SLC4A10: variants seen among roughly 807,000 people sequenced by gnomAD.
SLC4A10 encodes sodium-driven chloride bicarbonate exchanger.
SLC4A10 carries 42 observed loss-of-function variants against 137.7 expected under a neutral mutation model. The ratio of observed to expected loss-of-function variants is 0.30; its 90% CI spans 0.24 to 0.39. The LOEUF (loss-of-function observed/expected upper bound fraction) is 0.39. Among genes scored for constraint, SLC4A10 ranks in the 10% least tolerant of loss-of-function variants. The probability of loss-of-function intolerance (pLI) is 1.00; values close to 1 mark genes in which losing one functional copy is unlikely to be tolerated. For missense variants in SLC4A10, 925 were observed against 1,355.0 expected (o/e 0.68, Z 4.98); for synonymous variants, 474 against 464.1 (o/e 1.02, Z -0.27).
chr2:161,711,443 T>A (rs1325104810), intron 1 of SLC4A10, among the ~76,000 whole-genome samples: 1 of 151,846 alleles, frequency 6.6e-6, no homozygotes, highest in Non-Finnish European at 1.5e-5. Flanking sequence ...GAATAGGATT[T>A]ACCTCAGGTT....
intron 1 of SLC4A10, among the ~76,000 whole-genome samples, chr2:161,651,811 G>C (rs2036839051): frequency 8.3e-6 from 1 of 120,004 alleles, no homozygotes; most frequent in South Asian, 3.1e-4. Flanking sequence ...TCCCTGCTCT[G>C]CGCCTAGCTT....
intron 1 of SLC4A10, among the ~76,000 whole-genome samples, chr2:161,637,202 A>AAGAG (rs1232132481): frequency 2.7e-5 from 4 of 147,230 alleles, no homozygotes; most frequent in Non-Finnish European, 6.0e-5. Flanking sequence ...GAGAGAGAGA[A>AAGAG]AGAGAGAGAG....
intron 6 of SLC4A10, among the ~76,000 whole-genome samples, chr2:161,866,700 T>A (rs1370423374): frequency 6.6e-6 from 1 of 151,922 alleles, no homozygotes; most frequent in African/African-American, 2.4e-5. Context: ...AAATAATTAT[T>A]TGAATTAGGA....
chr2:161,942,675 T>G, intron 15 of SLC4A10, 117 bp from the exon 16 acceptor site: 2 of 747,424 alleles, frequency 2.7e-6, no homozygotes, highest in East Asian at 5.4e-5. Flanking sequence ...ACCTAACTAC[T>G]TGTCTGTCAA....
rs1684208042 is a variant in SLC4A10, at chr2:161,905,738, T to G, written c.1848T>G (p.Leu616=). The G allele has an allele frequency of 6.2e-7, 1 of 1,613,896 alleles. No individual in the cohort carries two copies. The highest frequency in any genetic ancestry group is 1.3e-5 in the African/African-American group (1 of 74,932). Residue 616 remains leucine, a synonymous_variant, in exon 15 of 27, where the codon CTT becomes CTG. Coordinates refer to ENST00000446997, the MANE Select transcript of SLC4A10 (RefSeq NM_001178015.2). ...IILVATDASS[L]VCYITRFTEE... ...TTGTGGCCACAGATGCTAGTTCCCT[T>G]GTCTGCTACATCACTCGGTTTACTG... is the stretch of plus-strand genomic sequence containing the variant.
At chr2:161,692,476 T>C (rs2042096533) in intron 1 of SLC4A10, among the ~76,000 whole-genome samples, 1 of 152,096 alleles carries the variant, frequency 6.6e-6, no homozygotes, top group Non-Finnish European at 1.5e-5. Flanking sequence ...TTAGTGTTCC[T>C]TGAGAGAATT....
At chr2:161,698,431 T>G (rs1470966981) in intron 1 of SLC4A10, among the ~76,000 whole-genome samples, 1 of 152,222 alleles carries the variant, frequency 6.6e-6, no homozygotes, top group African/African-American at 2.4e-5. Context: ...CAGCATGATA[T>G]TGGCTGTGGG....
chr2:161,891,749 T>C (rs1435767226), intron 10 of SLC4A10, among the ~76,000 whole-genome samples: 1 of 152,038 alleles, frequency 6.6e-6, no homozygotes. Flanking sequence ...ACATGCTCCT[T>C]TAGCTTGGAG....
intron 1 of SLC4A10, among the ~76,000 whole-genome samples, chr2:161,640,478 G>T (rs944681486): frequency 6.6e-6 from 1 of 152,096 alleles, no homozygotes; most frequent in African/African-American, 2.4e-5. Flanking sequence ...AGCCTCAATG[G>T]TATTTAACAA....
chr2:161,894,756 T>C lies in SLC4A10; in HGVS notation c.1272T>C (p.Val424=). 1 of 1,444,388 alleles carries C rather than the reference T, an allele frequency of 6.9e-7. No individual in the cohort carries two copies. Among genetic ancestry groups the C allele is most frequent in the Non-Finnish European group, 9.2e-7 (1 of 1,088,216 alleles). The allele number at this position is 1,444,388 out of a possible 1,614,324, so 89.5% of individuals were successfully genotyped here. ...VSGIDEFLDQ[V]TVLPPGEWDP... is the part of the protein sequence containing the mutation. ...GAATTGATGAGTTTCTGGATCAGGT[T>C]ACTGTTCTCCCTCCTGGAGAATGGG... is the stretch of plus-strand genomic sequence containing the variant. Residue 424 remains valine (V), a synonymous_variant, in exon 11 of 27, where the codon GTT becomes GTC. Coordinates refer to ENST00000446997, the MANE Select transcript of SLC4A10 (RefSeq NM_001178015.2).
chr2:161,906,025 C>T (rs995872005), intron 15 of SLC4A10, 138 bp downstream of exon 15: 35 of 1,129,836 alleles, frequency 3.1e-5, no homozygotes, highest in Non-Finnish European at 3.4e-5. Flanking sequence ...CTCTCAGAGT[C>T]GAACAGGATT....
chr2:161,949,023 C>A, intron 17 of SLC4A10, 125 bp from the exon 18 acceptor site: 1 of 576,888 alleles, frequency 1.7e-6, no homozygotes, highest in Non-Finnish European at 3.0e-6. Context: ...TTATAGTATG[C>A]ATAAAATATA....
At chr2:161,636,900 A>G (rs900745685) in intron 1 of SLC4A10, among the ~76,000 whole-genome samples, 6 of 150,244 alleles carry the variant, frequency 4.0e-5, no homozygotes, top group African/African-American at 1.5e-4. Flanking sequence ...TTTTATTTGT[A>G]GAGACAGGGT....
At chr2:161,831,424 G>A (rs1559348352) in intron 3 of SLC4A10, among the ~76,000 whole-genome samples, 1 of 151,710 alleles carries the variant, frequency 6.6e-6, no homozygotes, top group Non-Finnish European at 1.5e-5. Flanking sequence ...AACTAACATT[G>A]AATTCATGAT....
intron 1 of SLC4A10, among the ~76,000 whole-genome samples, chr2:161,755,743 CT>C (rs1379143837): frequency 6.6e-6 from 1 of 151,730 alleles, no homozygotes; most frequent in Admixed American, 6.6e-5. Flanking sequence ...ATTTTCTTTA[CT>C]GTCTGTTGTC....
chr2:161,927,536 T>C (rs956660785), intron 15 of SLC4A10, among the ~76,000 whole-genome samples: 2 of 152,188 alleles, frequency 1.3e-5, no homozygotes, highest in African/African-American at 4.8e-5. Flanking sequence ...CTAATTAAAC[T>C]GAAGAGCTTC....
At chr2:161,800,505 A>G (rs537553860) in intron 2 of SLC4A10, among the ~76,000 whole-genome samples, 2 of 152,152 alleles carry the variant, frequency 1.3e-5, no homozygotes, top group South Asian at 4.1e-4. Context: ...TGGGGTTAGA[A>G]TGCATAAAAT....
chr2:161,760,808 G>A (rs961267562), intron 1 of SLC4A10, among the ~76,000 whole-genome samples: 1 of 151,816 alleles, frequency 6.6e-6, no homozygotes, highest in Non-Finnish European at 1.5e-5. Context: ...GGATGGAACC[G>A]TGTCCTAATG....
In SLC4A10 at chr2:161,957,232, A is replaced by G; in HGVS notation, c.2785A>G (p.Ile929Val). Residue 929 changes from isoleucine to valine, a missense_variant, in exon 20 of 27, where the codon ATT becomes GTT. Physicochemically the swap from Ile to Val is conservative, Grantham distance 29 (BLOSUM62 3). Coordinates refer to ENST00000446997, the MANE Select transcript of SLC4A10 (RefSeq NM_001178015.2). ...GGGTTCATCAGTCTTTATGACCAGT[A>G]TTCTGAAGGTAACAAAATCTGTCTT... ...LMGSSVFMTS[I>V]LKFIPMPVLY... 1 of 1,612,344 alleles carries G rather than the reference A, an allele frequency of 6.2e-7. No homozygotes were observed. The highest frequency in any genetic ancestry group is 1.1e-5 in the South Asian group (1 of 90,896).
Sources: allele counts gnomAD v4.1 joint callset (sites outside exome capture counted in the v4.1 genomes callset), GRCh38; gene constraint gnomAD v4.1.1; transcripts MANE v1.5; gene names NCBI Gene and HGNC (gene_info 2026-07-23, HGNC 2026-07-21).